AOAH: variants seen among roughly 807,000 people sequenced by gnomAD.
AOAH encodes the protein acyloxyacyl hydrolase.
In AOAH, 64 loss-of-function variants were observed where a neutral mutation model predicts 92.2. The observed-to-expected ratio is 0.69, with a 90% CI of 0.57 to 0.86. AOAH has a LOEUF of 0.86. AOAH is among the 40% of genes least tolerant of loss of function. AOAH has a pLI of 0.00. For synonymous variants in AOAH, 263 were observed against 254.5 expected (o/e 1.03, Z -0.32); for missense variants, 656 against 694.6 (o/e 0.94, Z 0.62).
Position 36,571,798 on chromosome 7 carries a change from G to A in AOAH, c.1021+4776C>T, listed in dbSNP as rs372310919. The stretch of plus-strand genomic sequence containing the variant: ...GCCCTTCTGCTGCCCTCTAAATCTA[G>A]GAGCCACAGGCCTTATTATTATTAA... On this transcript the variant is annotated intron_variant, in intron 13 of 20. Coordinates refer to ENST00000617537, the MANE Select transcript of AOAH (RefSeq NM_001637.4). Among the ~76,000 whole-genome samples, 16 of 151,998 alleles carry A rather than the reference G, an allele frequency of 1.1e-4. No homozygotes were observed. The East Asian group carries it at 1.2e-3, about 11-fold the overall frequency.
At chr7:36,655,193 C>T (rs1216915929) in intron 4 of AOAH, among the ~76,000 whole-genome samples, 1 of 152,188 alleles carries the variant, frequency 6.6e-6, no homozygotes, top group Non-Finnish European at 1.5e-5. Flanking sequence ...GCCACACCTT[C>T]GTCATCTATA....
chr7:36,663,919 T>C (rs1441570555), intron 3 of AOAH, among the ~76,000 whole-genome samples: 2 of 152,142 alleles, frequency 1.3e-5, no homozygotes, highest in Admixed American at 6.5e-5. Context: ...CTATGAACAG[T>C]GGTATCTCAT....
intron 4 of AOAH, among the ~76,000 whole-genome samples, chr7:36,647,834 GTTC>G (rs1794313974): frequency 6.9e-6 from 1 of 144,440 alleles, no homozygotes; most frequent in Non-Finnish European, 1.5e-5. Flanking sequence ...TTCCCTTAGA[GTTC>G]TTTTTTTTTT....
chr7:36,714,882 GC>G (rs1799023727), intron 1 of AOAH, among the ~76,000 whole-genome samples: 1 of 152,122 alleles, frequency 6.6e-6, no homozygotes, highest in African/African-American at 2.4e-5. Flanking sequence ...TACTGAATGG[GC>G]AAAAACTGGA....
intron 13 of AOAH, among the ~76,000 whole-genome samples, chr7:36,553,938 G>A (rs1786482423): frequency 6.6e-6 from 1 of 152,066 alleles, no homozygotes. Context: ...TAGGTTGCCT[G>A]TTCACTCTGA....
intron 15 of AOAH, among the ~76,000 whole-genome samples, chr7:36,542,730 A>G (rs1283794890): frequency 3.3e-5 from 5 of 152,246 alleles, no homozygotes; most frequent in Non-Finnish European, 7.3e-5. Context: ...ACCACTGGAA[A>G]AAGATAAAAG....
intron 3 of AOAH, among the ~76,000 whole-genome samples, chr7:36,664,036 A>G (rs7781620): frequency 0.63 from 91,615 of 146,338 alleles, 27,912 homozygotes; most frequent in South Asian, 0.67. Context: ...AAGATCGTTA[A>G]TTTTAGGTTC....
intron 4 of AOAH, among the ~76,000 whole-genome samples, chr7:36,641,124 G>A (rs1442257531): frequency 6.6e-6 from 1 of 152,194 alleles, no homozygotes; most frequent in African/African-American, 2.4e-5. Context: ...TCCACCCAGA[G>A]GTCAAGCACC....
chr7:36,561,511 C>T (rs1250413346), intron 13 of AOAH, among the ~76,000 whole-genome samples: 2 of 152,132 alleles, frequency 1.3e-5, no homozygotes, highest in Admixed American at 1.3e-4. Flanking sequence ...CTGTTGTCCT[C>T]CAGAGGACAG....
chr7:36,702,068 C>T (rs911950006), intron 1 of AOAH, among the ~76,000 whole-genome samples: 2 of 152,020 alleles, frequency 1.3e-5, no homozygotes, highest in Non-Finnish European at 2.9e-5. Context: ...CCATCCTCAC[C>T]TTGTATTTGG....
chr7:36,618,232 C>T (rs1262574881), intron 10 of AOAH, 65 bp downstream of exon 10: 1 of 1,489,798 alleles, frequency 6.7e-7, no homozygotes, highest in South Asian at 1.1e-5. Context: ...CTGCTCACTT[C>T]AATTTGACTC....
chr7:36,594,252 T>C, intron 12 of AOAH, 87 bp downstream of exon 12: 1 of 1,062,618 alleles, frequency 9.4e-7, no homozygotes, highest in South Asian at 1.3e-5. Flanking sequence ...ATAATTCGCA[T>C]TTCAACATCT....
At chr7:36,720,261 T>C (rs1393162935) in intron 1 of AOAH, among the ~76,000 whole-genome samples, 1 of 152,126 alleles carries the variant, frequency 6.6e-6, no homozygotes, top group Non-Finnish European at 1.5e-5. Flanking sequence ...GCGATTCTTC[T>C]GCCTCAGCTC....
Position 36,621,786 on chromosome 7 carries a change from A to C in AOAH, c.583-6T>G. 6.2e-7 allele frequency: 1 copy of C among 1,614,072 alleles called. No homozygotes were observed. On this transcript the variant is annotated splice_polypyrimidine_tract_variant and splice_region_variant and intron_variant, in intron 7 of 20. Transcript: ENST00000617537. ...CAGTGATAGCCCCGCAGTGTCTGAA[A>C]TTGAAGAGCACACACAGGAGGGGTT...
At chr7:36,594,588 C>T (rs890957630) in intron 11 of AOAH, 158 bp from the exon 12 acceptor site, 2 of 704,458 alleles carry the variant, frequency 2.8e-6, no homozygotes, top group Admixed American at 2.1e-5. Flanking sequence ...ATGTCTCTAA[C>T]CTTCAACTTC....
intron 13 of AOAH, among the ~76,000 whole-genome samples, chr7:36,555,368 G>A (rs1466438200): frequency 6.6e-6 from 1 of 152,112 alleles, no homozygotes; most frequent in Non-Finnish European, 1.5e-5. Flanking sequence ...TTTTTGATGT[G>A]CTGCTGGATT....
intron 18 of AOAH, 139 bp downstream of exon 18, chr7:36,532,008 C>T (rs2116010731): frequency 1.0e-6 from 1 of 979,662 alleles, no homozygotes; most frequent in Non-Finnish European, 1.6e-6. Context: ...GCTCCTCAAG[C>T]ACCTGGAAGG....
intron 6 of AOAH, among the ~76,000 whole-genome samples, chr7:36,623,677 A>C (rs749219754): frequency 3.3e-5 from 5 of 152,192 alleles, no homozygotes; most frequent in Admixed American, 1.3e-4. Context: ...TATCCTGAGA[A>C]TCTTGACCAT....
At chr7:36,705,654 CA>C (rs1798355255) in intron 1 of AOAH, among the ~76,000 whole-genome samples, 2 of 152,030 alleles carry the variant, frequency 1.3e-5, no homozygotes, top group South Asian at 4.1e-4. Context: ...CATACGGAAC[CA>C]AAAAAGAGCC....
Sources: allele counts gnomAD v4.1 joint callset (sites outside exome capture counted in the v4.1 genomes callset), GRCh38; gene constraint gnomAD v4.1.1; transcripts MANE v1.5; gene names NCBI Gene and HGNC (gene_info 2026-07-23, HGNC 2026-07-21).